The following PELI2 variants were observed in gnomAD, a reference collection of about 807,000 sequenced individuals.
The protein encoded by PELI2 is E3 ubiquitin-protein ligase pellino homolog 2.
A neutral mutation model predicts 42.3 loss-of-function variants in PELI2; 23 were observed. The observed-to-expected ratio is 0.54, with a 90% confidence interval of 0.39 to 0.77. The LOEUF is 0.77. PELI2 is among the 30% of genes least tolerant of loss of function. PELI2 has a pLI of 0.00. For synonymous variants in PELI2, 245 were observed against 212.2 expected (o/e 1.15, Z -1.34); for missense variants, 463 against 553.2 (o/e 0.84, Z 1.64).
chr14:56,249,901 A>C (rs1232227541), intron 2 of PELI2, among the ~76,000 whole-genome samples: 1 of 152,136 alleles, frequency 6.6e-6, no homozygotes, highest in Non-Finnish European at 1.5e-5. Context: ...AATATTTTTG[A>C]GGTGGGGAGA....
intron 1 of PELI2, among the ~76,000 whole-genome samples, chr14:56,141,599 C>T (rs1158572175): frequency 2.6e-5 from 4 of 152,102 alleles, no homozygotes; most frequent in African/African-American, 9.7e-5. Flanking sequence ...GCTGGGGAGG[C>T]CTCAGGATAC....
chr14:56,126,262 A>G lies in PELI2; in HGVS notation c.77+7525A>G, dbSNP rs1028376488. 5.9e-5 allele frequency among the ~76,000 whole-genome samples: 9 copies of G among 152,312 alleles called. No individual in the cohort carries two copies. The South Asian group carries it at 1.7e-3, about 28-fold the overall frequency. ...CTGTGGTCATTAATGCCTATTAATGATGGCTGGAAATACTGTGGCATACAA... is the reference window on the plus strand; with the variant it reads ...CTGTGGTCATTAATGCCTATTAATGGTGGCTGGAAATACTGTGGCATACAA... On this transcript the variant is annotated intron_variant, in intron 1 of 5. Coordinates refer to ENST00000267460, the MANE Select transcript of PELI2 (RefSeq NM_021255.3).
At chr14:56,210,807 C>T (rs932824020) in intron 2 of PELI2, among the ~76,000 whole-genome samples, 5 of 152,126 alleles carry the variant, frequency 3.3e-5, no homozygotes, top group Non-Finnish European at 7.3e-5. Context: ...TCCCTGTGGT[C>T]GGTAAGTTGA....
chr14:56,193,555 T>C (rs995691370), intron 2 of PELI2, among the ~76,000 whole-genome samples: 1 of 152,180 alleles, frequency 6.6e-6, no homozygotes, highest in Non-Finnish European at 1.5e-5. Flanking sequence ...AGCAAATACT[T>C]AGTCATACAT....
At chr14:56,275,188 A>C (rs1889248070) in intron 2 of PELI2, among the ~76,000 whole-genome samples, 1 of 152,174 alleles carries the variant, frequency 6.6e-6, no homozygotes, top group Non-Finnish European at 1.5e-5. Context: ...CAGTGTTATG[A>C]GAACAGAGGT....
intron 2 of PELI2, among the ~76,000 whole-genome samples, chr14:56,199,713 A>C (rs542427405): frequency 6.6e-6 from 1 of 152,348 alleles, no homozygotes; most frequent in Admixed American, 6.5e-5. Context: ...ATAAGATACA[A>C]GTTGTTTTGG....
chr14:56,240,614 T>A (rs1044286575), intron 2 of PELI2, among the ~76,000 whole-genome samples: 9 of 151,930 alleles, frequency 5.9e-5, no homozygotes, highest in African/African-American at 2.2e-4. Flanking sequence ...TGGAAGGAGA[T>A]GAGGAGCAAG....
chr14:56,124,775 AG>A (rs1220176109), intron 1 of PELI2, among the ~76,000 whole-genome samples: 6 of 152,198 alleles, frequency 3.9e-5, no homozygotes, highest in African/African-American at 1.4e-4. Context: ...TGGAGATAAG[AG>A]GGAAGGAGTG....
chr14:56,262,169 T>C (rs1453427213), intron 2 of PELI2, among the ~76,000 whole-genome samples: 2 of 152,244 alleles, frequency 1.3e-5, no homozygotes, highest in African/African-American at 2.4e-5. Flanking sequence ...AAGGCAAATC[T>C]GTCCTTTCAT....
intron 5 of PELI2, among the ~76,000 whole-genome samples, chr14:56,294,643 C>A (rs1184084167): frequency 1.3e-5 from 2 of 152,186 alleles, no homozygotes; most frequent in African/African-American, 4.8e-5. Flanking sequence ...TCCCTGGGAC[C>A]CTGCCTGGGC....
chr14:56,138,745 A>G (rs1002708705), intron 1 of PELI2, among the ~76,000 whole-genome samples: 3 of 152,232 alleles, frequency 2.0e-5, no homozygotes, highest in South Asian at 4.1e-4. Context: ...ACTAAAATAT[A>G]TAGTAAGCAC....
chr14:56,222,897 G>C (rs1887198506), intron 2 of PELI2, among the ~76,000 whole-genome samples: 1 of 152,214 alleles, frequency 6.6e-6, no homozygotes, highest in African/African-American at 2.4e-5. Context: ...GGGTAGAGTG[G>C]GCGAAGGTGT....
At chr14:56,272,884 A>G (rs1889152172) in intron 2 of PELI2, among the ~76,000 whole-genome samples, 1 of 152,202 alleles carries the variant, frequency 6.6e-6, no homozygotes, top group Non-Finnish European at 1.5e-5. Context: ...GGGTGTAGGT[A>G]AGACGTACAC....
intron 2 of PELI2, among the ~76,000 whole-genome samples, chr14:56,236,009 T>C (rs1293344597): frequency 2.6e-5 from 4 of 152,226 alleles, no homozygotes; most frequent in Non-Finnish European, 4.4e-5. Context: ...TGTTTCTCTT[T>C]TGGTCCTAGT....
intron 2 of PELI2, among the ~76,000 whole-genome samples, chr14:56,201,317 T>C (rs1886324177): frequency 6.6e-6 from 1 of 152,170 alleles, no homozygotes; most frequent in Non-Finnish European, 1.5e-5. Context: ...CTAGAACCAG[T>C]GACAGATTTT....
chr14:56,145,023 G>T (rs1025847827), intron 1 of PELI2: 68 of 939,132 alleles, frequency 7.2e-5, no homozygotes, highest in Non-Finnish European at 8.3e-5. Flanking sequence ...TTAAGTCCTG[G>T]CTTCTAGGTG....
intron 2 of PELI2, among the ~76,000 whole-genome samples, chr14:56,215,034 CAGTA>C (rs956632915): frequency 1.8e-4 from 27 of 150,116 alleles, no homozygotes; most frequent in African/African-American, 6.3e-4. Flanking sequence ...ACATGTTGGT[CAGTA>C]AGTAATAACT....
At chr14:56,226,083 A>AAAAG (rs1555349165) in intron 2 of PELI2, among the ~76,000 whole-genome samples, 5 of 151,606 alleles carry the variant, frequency 3.3e-5, no homozygotes, top group Admixed American at 1.3e-4. Context: ...AGGAAAAAAA[A>AAAAG]AAGAAGAAGA....
chr14:56,213,295 T>A (rs1206243849), intron 2 of PELI2, among the ~76,000 whole-genome samples: 1 of 152,240 alleles, frequency 6.6e-6, no homozygotes, highest in Non-Finnish European at 1.5e-5. Flanking sequence ...CATGAATTAC[T>A]TTTATTTCTG....
Sources: allele counts gnomAD v4.1 joint callset (sites outside exome capture counted in the v4.1 genomes callset), GRCh38; gene constraint gnomAD v4.1.1; transcripts MANE v1.5; gene names NCBI Gene and HGNC (gene_info 2026-07-23, HGNC 2026-07-21).